SYMPK: variants seen among roughly 807,000 people sequenced by gnomAD.
SYMPK encodes symplekin scaffold protein, also known as symplekin.
A neutral mutation model predicts 136.4 loss-of-function variants in SYMPK; 49 were observed. The ratio of observed to expected loss-of-function variants is 0.36; its 90% CI spans 0.29 to 0.46. The LOEUF (loss-of-function observed/expected upper bound fraction) is 0.46. SYMPK is among the 20% of genes least tolerant of loss of function. The probability of loss-of-function intolerance (pLI) is 1.00; values close to 1 mark genes in which losing one functional copy is unlikely to be tolerated. For missense variants in SYMPK, 1,365 were observed against 1,690.0 expected, an observed-to-expected ratio of 0.81 and a Z score of 3.37; for synonymous variants, 766 against 713.0, an observed-to-expected ratio of 1.07 and a Z score of -1.19.
rs1365275601 is a variant in SYMPK at position 45,863,068 on chromosome 19, G to A, written c.-23C>T. On this transcript the variant is annotated 5_prime_UTR_variant, in exon 1 of 27. Coordinates refer to ENST00000245934, the MANE Select transcript of SYMPK (RefSeq NM_004819.3). ...CCGCCTCCCGCTCACCGCAGCTCTG[G>A]CCTCCGTTCCCCTCGCGCCCCCTCA... The A allele has an allele frequency of 2.0e-5, 8 of 401,500 alleles. No individual in the cohort carries two copies. The highest frequency in any genetic ancestry group is 3.5e-5 in the Non-Finnish European group (8 of 226,784). The allele number at this position is 401,500 out of a possible 1,614,324, so 24.9% of individuals were successfully genotyped here. A position where few individuals can be genotyped will look rare whatever the true frequency, so the allele number is the denominator to read the frequency against.
At chr19:45,835,917 T>TATAG (rs1555794881) in intron 10 of SYMPK, among the ~76,000 whole-genome samples, 1 of 147,804 alleles carries the variant, frequency 6.8e-6, no homozygotes, top group African/African-American at 2.5e-5. Context: ...ATCTCATTCA[T>TATAG]AAAGAAAGAA....
chr19:45,834,155 G>A (rs971815002), intron 11 of SYMPK, among the ~76,000 whole-genome samples: 1 of 152,182 alleles, frequency 6.6e-6, no homozygotes, highest in Non-Finnish European at 1.5e-5. Context: ...GGGCGTGGTG[G>A]CAGGCGCCTG....
chr19:45,842,173 A>T, intron 9 of SYMPK, 77 bp downstream of exon 9: 1 of 1,586,528 alleles, frequency 6.3e-7, no homozygotes, highest in Non-Finnish European at 8.6e-7. Context: ...TAGTAAATAC[A>T]AATTCAGCAT....
At chr19:45,826,132 G>T in intron 17 of SYMPK, 94 bp downstream of exon 17, 1 of 1,504,204 alleles carries the variant, frequency 6.6e-7, no homozygotes, top group Non-Finnish European at 8.9e-7. Context: ...CGTCACTCGT[G>T]TCCGAGTGGC....
rs764509543 is a variant in SYMPK, at chr19:45,821,368, G to T, written c.2893+16C>A. 1.6e-5 allele frequency: 25 copies of T among 1,606,594 alleles called. No homozygotes were observed. In the Admixed American group the frequency reaches 2.3e-4, roughly 15 times the overall value. Reference sequence around the variant, plus strand: ...CGCAGGGGCCAGGCCACTGGAGTGGGGGGGAAGCGCCTCACCTTTGATGAT... The same window carrying T: ...CGCAGGGGCCAGGCCACTGGAGTGGTGGGGAAGCGCCTCACCTTTGATGAT... On this transcript the variant is annotated intron_variant, in intron 22 of 26. Transcript: ENST00000245934. This position sits in a 1 kb window ranked among gnomAD's most constrained non-coding sequence, Gnocchi z 4.4.
rs765916542 is a variant in SYMPK, at chr19:45,854,557, T to C, written c.-12-50A>G. ...GGATCAAGCTCAGGGAACCAGCGGA[T>C]GGGCTGGGCTGGATTGTCACCCGAA... On this transcript the variant is annotated intron_variant, in intron 1 of 26. Transcript: ENST00000245934. The C allele has an allele frequency of 2.0e-6, 3 of 1,482,900 alleles. No homozygotes were observed. The Admixed American group carries it at 5.2e-5, about 26-fold the overall frequency. 91.9% of individuals were successfully genotyped at this position (1,482,900 alleles called of 1,614,324 possible).
intron 16 of SYMPK, 40 bp downstream of exon 16, chr19:45,827,470 T>C (rs747572417): frequency 2.0e-6 from 3 of 1,513,676 alleles, no homozygotes; most frequent in East Asian, 4.5e-5. Flanking sequence ...CTCTGCAAGC[T>C]GCAGGCTGAG....
At chr19:45,830,374 G>A (rs4516331) in intron 12 of SYMPK, 170 bp from the exon 13 acceptor site, 626,897 of 738,054 alleles carry the variant, frequency 0.85, 266,425 homozygotes, top group African/African-American at 0.9. Context: ...GTGGGTAAGA[G>A]GAAGGAAGAG....
At chr19:45,825,105 G>T in intron 18 of SYMPK, 66 bp downstream of exon 18, 1 of 1,561,726 alleles carries the variant, frequency 6.4e-7, no homozygotes, top group South Asian at 1.2e-5. Flanking sequence ...GGTTGGGGAA[G>T]AGCTGGAGCT....
intron 18 of SYMPK, among the ~76,000 whole-genome samples, chr19:45,824,500 G>T (rs1970992673): frequency 6.6e-6 from 1 of 152,166 alleles, no homozygotes; most frequent in African/African-American, 2.4e-5. Flanking sequence ...CTACAAGCCT[G>T]TTATCCCCAT....
chr19:45,828,731 G>T, intron 14 of SYMPK: 1 of 572,236 alleles, frequency 1.7e-6, no homozygotes, highest in Non-Finnish European at 3.1e-6. Flanking sequence ...CGCAGAGCAA[G>T]CTCAGAGCAA....
chr19:45,817,843 C>T, intron 23 of SYMPK, 116 bp downstream of exon 23: 1 of 1,094,082 alleles, frequency 9.1e-7, no homozygotes, highest in Non-Finnish European at 1.3e-6. Context: ...GGAGGCAGAG[C>T]AGAGCCTGCT....
intron 9 of SYMPK, among the ~76,000 whole-genome samples, chr19:45,840,792 C>T (rs921765566): frequency 4.0e-5 from 6 of 151,132 alleles, no homozygotes; most frequent in African/African-American, 1.5e-4. Flanking sequence ...GCAGTGAGCC[C>T]AGATTACACC....
At chr19:45,829,285 A>G (rs1338106032) in intron 13 of SYMPK, 80 bp from the exon 14 acceptor site, 2 of 1,227,642 alleles carry the variant, frequency 1.6e-6, no homozygotes, top group Non-Finnish European at 2.3e-6. Flanking sequence ...GACTTCTCCC[A>G]CCCAGACGCA....
chr19:45,856,129 G>A (rs1396182677), intron 1 of SYMPK, among the ~76,000 whole-genome samples: 1 of 152,002 alleles, frequency 6.6e-6, no homozygotes, highest in Non-Finnish European at 1.5e-5. Context: ...CGAAACGGGT[G>A]GATCGTCTGA....
intron 18 of SYMPK, 112 bp from the exon 19 acceptor site, chr19:45,823,987 G>T (rs59212739): frequency 0.047 from 30,946 of 659,800 alleles, 2,464 homozygotes; most frequent in East Asian, 0.36. Flanking sequence ...TGAGACTGAG[G>T]TGACAGGGTT....
chr19:45,841,316 G>C (rs933055144), intron 9 of SYMPK, among the ~76,000 whole-genome samples: 2 of 143,544 alleles, frequency 1.4e-5, no homozygotes, highest in Non-Finnish European at 3.0e-5. Context: ...TTTTGAGACA[G>C]AGTTTCACTC....
chr19:45,841,635 A>G (rs950314712), intron 9 of SYMPK, among the ~76,000 whole-genome samples: 19 of 152,152 alleles, frequency 1.2e-4, no homozygotes, highest in Admixed American at 3.9e-4. Context: ...TCTTTCGTAA[A>G]TGCTCTAGAA....
chr19:45,848,762 C>T lies in SYMPK; in HGVS notation c.414G>A (p.Lys138=), dbSNP rs1319509121. The change falls in exon 6 of 27, where the codon AAG becomes AAA. Residue 138 remains lysine, a synonymous_variant. Coordinates refer to ENST00000245934, the MANE Select transcript of SYMPK (RefSeq NM_004819.3). The stretch of plus-strand genomic sequence containing the variant: ...AGGGCGCTCTCACCTGCAGGGCCAC[C>T]TTGTAGAGCTGGGTCATGGTGAGGA... ...KAILTMTQLY[K]VALQWMVKSR... is the part of the protein sequence containing the mutation. 24 of 1,613,584 alleles carry T rather than the reference C, an allele frequency of 1.5e-5. No homozygotes were observed. Among genetic ancestry groups the T allele is most frequent in the Non-Finnish European group, 1.9e-5 (22 of 1,180,046 alleles).
Sources: gnomAD v4.1 joint callset for allele counts (sites outside exome capture counted in the v4.1 genomes callset) on GRCh38, gnomAD v4.1.1 for gene constraint, Gnocchi (gnomAD v3.1) non-coding constraint, MANE v1.5 for transcripts, NCBI Gene and HGNC (gene_info 2026-07-23, HGNC 2026-07-21) for gene names.